Variants in CAMK1D observed in about 807,000 individuals in gnomAD.
CAMK1D encodes the protein calcium/calmodulin dependent protein kinase ID, also known as calcium/calmodulin-dependent protein kinase type 1D.
A neutral mutation model predicts 47.7 loss-of-function variants in CAMK1D; 9 were observed. The ratio of observed to expected loss-of-function variants is 0.19; its 90% CI spans 0.11 to 0.33. The LOEUF (loss-of-function observed/expected upper bound fraction) is 0.33, where lower values mean the gene tolerates loss of function less well. Among genes scored for constraint, CAMK1D ranks in the 10% least tolerant of loss-of-function variants. The probability of loss-of-function intolerance (pLI) is 1.00; values close to 1 mark genes in which losing one functional copy is unlikely to be tolerated. For missense variants in CAMK1D, 291 were observed against 488.7 expected, an observed-to-expected ratio of 0.60 and a Z score of 3.81; for synonymous variants, 184 against 184.9, an observed-to-expected ratio of 0.99 and a Z score of 0.04.
rs1358677806 is a variant in CAMK1D, at chr10:12,628,097, C to CA, written c.225-38633dup. Among the ~76,000 whole-genome samples, 439 of 144,442 alleles carry CA rather than the reference C, an allele frequency of 3.0e-3. 3 individuals are homozygous for CA. The highest frequency in any genetic ancestry group is 0.01 in the African/African-American group (414 of 39,638). The allele number at this position is 144,442 out of a possible 152,430, so 94.8% of individuals were successfully genotyped here. The stretch of plus-strand genomic sequence containing the variant: ...CTCTGTCTCAAAAAAAAACAAAAAA[C>CA]AAAAAACAAAACAAAACTGAGTTTT... On this transcript the variant is annotated intron_variant, in intron 2 of 10. Transcript: ENST00000619168.
intron 1 of CAMK1D, among the ~76,000 whole-genome samples, chr10:12,406,203 C>G (rs1839418837): frequency 6.6e-6 from 1 of 152,130 alleles, no homozygotes; most frequent in African/African-American, 2.4e-5. Context: ...TCCGGACATT[C>G]AGCTTCCCTG....
chr10:12,603,406 C>T (rs1277712499), intron 2 of CAMK1D, among the ~76,000 whole-genome samples: 1 of 152,182 alleles, frequency 6.6e-6, no homozygotes, highest in Non-Finnish European at 1.5e-5. Flanking sequence ...GCACGCCTGT[C>T]CTTGATCATT....
rs377054649 is a variant in CAMK1D at position 12,694,220 on chromosome 10, A to T, written c.299+27410A>T. 1.1e-3 allele frequency among the ~76,000 whole-genome samples: 42 copies of T among 37,312 alleles called. 6 individuals carry two copies. Among genetic ancestry groups the T allele is most frequent in the African/African-American group, 1.8e-3 (18 of 9,868 alleles). The allele number at this position is 37,312 out of a possible 152,430, so 24.5% of individuals were successfully genotyped here. ...TATTATATATTATGTATAATATAAA[A>T]TATATATTATGTATAATATATAATA... is the stretch of plus-strand genomic sequence containing the variant. On this transcript the variant is annotated intron_variant, in intron 3 of 10. Coordinates refer to ENST00000619168, the MANE Select transcript of CAMK1D (RefSeq NM_153498.4).
chr10:12,541,432 C>T (rs1006387122), intron 1 of CAMK1D, among the ~76,000 whole-genome samples: 9 of 152,134 alleles, frequency 5.9e-5, no homozygotes. Context: ...GACGTGATCT[C>T]AGCTCACTGC....
At chr10:12,816,374 C>G (rs888401631) in intron 8 of CAMK1D, 46 bp downstream of exon 8, 1 of 1,488,792 alleles carries the variant, frequency 6.7e-7, no homozygotes, top group Admixed American at 1.9e-5. Context: ...TTAATGCCAT[C>G]TGGGGGGGGC....
At chr10:12,631,908 A>C (rs1839390027) in intron 2 of CAMK1D, among the ~76,000 whole-genome samples, 1 of 152,178 alleles carries the variant, frequency 6.6e-6, no homozygotes, top group African/African-American at 2.4e-5. Flanking sequence ...ATGAGAGCAG[A>C]CCGTGTTTCT....
intron 2 of CAMK1D, among the ~76,000 whole-genome samples, chr10:12,627,844 C>T (rs1839266440): frequency 1.3e-5 from 2 of 152,110 alleles, no homozygotes; most frequent in Non-Finnish European, 2.9e-5. Context: ...TTTTGGGAGG[C>T]CGAGGCAGGC....
At chr10:12,615,981 TTG>T (rs1053488795) in intron 2 of CAMK1D, among the ~76,000 whole-genome samples, 9 of 151,122 alleles carry the variant, frequency 6.0e-5, no homozygotes, top group Admixed American at 3.3e-4. Flanking sequence ...TGCATGTGTG[TTG>T]TGTCTGTATA....
chr10:12,473,784 A>G (rs367588070), intron 1 of CAMK1D, among the ~76,000 whole-genome samples: 2 of 152,172 alleles, frequency 1.3e-5, no homozygotes, highest in African/African-American at 2.4e-5. Flanking sequence ...GTTAAGTAAC[A>G]GGGAAAAGGA....
chr10:12,521,413 A>G (rs530280703), intron 1 of CAMK1D, among the ~76,000 whole-genome samples: 1 of 152,340 alleles, frequency 6.6e-6, no homozygotes, highest in African/African-American at 2.4e-5. Flanking sequence ...AATAATCTAC[A>G]TAATCTGATA....
At chr10:12,747,936 G>T (rs1296915094) in intron 3 of CAMK1D, among the ~76,000 whole-genome samples, 1 of 152,174 alleles carries the variant, frequency 6.6e-6, no homozygotes, top group Non-Finnish European at 1.5e-5. Flanking sequence ...AGTCAAATTT[G>T]CTATACTTTG....
At chr10:12,595,691 C>T (rs1470582612) in intron 2 of CAMK1D, among the ~76,000 whole-genome samples, 1 of 152,144 alleles carries the variant, frequency 6.6e-6, no homozygotes, top group Non-Finnish European at 1.5e-5. Context: ...TTCAGCTGCC[C>T]ACTTTCTGGT....
At chr10:12,747,618 G>A (rs544557964) in intron 3 of CAMK1D, among the ~76,000 whole-genome samples, 17 of 152,302 alleles carry the variant, frequency 1.1e-4, no homozygotes, top group African/African-American at 3.9e-4. Context: ...ATGAGCCACT[G>A]CACCTCTCCA....
At chr10:12,745,691 C>T (rs1430498810) in intron 3 of CAMK1D, among the ~76,000 whole-genome samples, 2 of 151,858 alleles carry the variant, frequency 1.3e-5, no homozygotes, top group African/African-American at 4.8e-5. Context: ...CAACCTCCGC[C>T]TCCTGGGTTC....
At chr10:12,810,736 A>G (rs1008398167) in intron 6 of CAMK1D, among the ~76,000 whole-genome samples, 4 of 152,240 alleles carry the variant, frequency 2.6e-5, no homozygotes, top group African/African-American at 7.2e-5. Flanking sequence ...CCGAAGTTCA[A>G]TTCTTGAGTC....
At chr10:12,504,914 C>T (rs564442608) in intron 1 of CAMK1D, among the ~76,000 whole-genome samples, 6 of 152,240 alleles carry the variant, frequency 3.9e-5, no homozygotes, top group East Asian at 3.9e-4. Flanking sequence ...GGTGTGGGCC[C>T]GGATCTCTTG....
At chr10:12,734,510 A>G in intron 3 of CAMK1D, among the ~76,000 whole-genome samples, 3 of 144,652 alleles carry the variant, frequency 2.1e-5, no homozygotes, top group Admixed American at 7.0e-5. Context: ...ACACACACAC[A>G]TATATATACA....
chr10:12,790,322 G>A (rs1459346476), intron 5 of CAMK1D, among the ~76,000 whole-genome samples: 2 of 152,250 alleles, frequency 1.3e-5, no homozygotes, highest in African/African-American at 4.8e-5. Flanking sequence ...TCAGAGGGTA[G>A]GCCTTAGCTC....
chr10:12,794,283 G>C (rs933804911), intron 6 of CAMK1D, among the ~76,000 whole-genome samples: 3 of 152,286 alleles, frequency 2.0e-5, no homozygotes, highest in Non-Finnish European at 2.9e-5. Flanking sequence ...TAAGAAAAAA[G>C]AGAGAGGAAT....
Sources: gnomAD v4.1 joint callset for allele counts (sites outside exome capture counted in the v4.1 genomes callset) on GRCh38, gnomAD v4.1.1 for gene constraint, MANE v1.5 for transcripts, NCBI Gene and HGNC (gene_info 2026-07-23, HGNC 2026-07-21) for gene names.